The following OTUD7A variants were observed in gnomAD, a reference collection of about 807,000 sequenced individuals.
OTUD7A encodes OTU deubiquitinase 7A, also known as OTU domain-containing protein 7A.
OTUD7A carries 12 observed loss-of-function variants against 65.7 expected under a neutral mutation model. The ratio of observed to expected loss-of-function variants is 0.18; its 90% CI spans 0.12 to 0.30. OTUD7A has a LOEUF of 0.30. Ranked by LOEUF, OTUD7A falls within the 10% of genes least tolerant of loss-of-function variation. OTUD7A has a pLI of 1.00. For synonymous variants in OTUD7A, 641 were observed against 586.3 expected (o/e 1.09, Z -1.35); for missense variants, 1,148 against 1,304.8 (o/e 0.88, Z 1.85).
At chr15:31,564,022 G>C (rs1355505509) in intron 4 of OTUD7A, among the ~76,000 whole-genome samples, 2 of 152,050 alleles carry the variant, frequency 1.3e-5, no homozygotes, top group South Asian at 4.2e-4. Context: ...TAAAAAATGA[G>C]CCTAGTAAAT....
rs574785353 is a variant in OTUD7A, at chr15:31,612,562, A to C, written c.152-42365T>G. On this transcript the variant is annotated intron_variant, in intron 3 of 12. Transcript: ENST00000307050. ...CTTTTACAATAGCTGCAAAAAAATA[A>C]AATACCTAGGAATATACCTAACTGA... Among the ~76,000 whole-genome samples, 4 of 152,302 alleles carry C rather than the reference A, an allele frequency of 2.6e-5. No individual in the cohort carries two copies. In the South Asian group the frequency reaches 6.2e-4, roughly 24 times the overall value.
intron 10 of OTUD7A, among the ~76,000 whole-genome samples, chr15:31,499,709 C>T (rs954776235): frequency 6.6e-6 from 1 of 152,224 alleles, no homozygotes; most frequent in African/African-American, 2.4e-5. Context: ...GCAGCCTGGC[C>T]ACAGGATGGT....
At chr15:31,518,712 G>A (rs924677524) in intron 8 of OTUD7A, among the ~76,000 whole-genome samples, 3 of 152,228 alleles carry the variant, frequency 2.0e-5, no homozygotes, top group Non-Finnish European at 4.4e-5. Context: ...CTCATGGGCA[G>A]CATTTCTGAG....
intron 1 of OTUD7A, among the ~76,000 whole-genome samples, chr15:31,687,279 G>A (rs1367578570): frequency 3.9e-5 from 6 of 152,064 alleles, no homozygotes; most frequent in Admixed American, 3.9e-4. Flanking sequence ...GACAGTGTTC[G>A]CTGATGAATA....
At chr15:31,757,219 C>T (rs911230518) in intron 1 of OTUD7A, among the ~76,000 whole-genome samples, 1 of 152,078 alleles carries the variant, frequency 6.6e-6, no homozygotes, top group Non-Finnish European at 1.5e-5. Flanking sequence ...TAAGTTGGAG[C>T]CCAGACAGCC....
intron 1 of OTUD7A, among the ~76,000 whole-genome samples, chr15:31,716,598 T>C (rs1343615629): frequency 7.1e-6 from 1 of 139,984 alleles, no homozygotes; most frequent in African/African-American, 2.5e-5. Flanking sequence ...CATGTTCTGA[T>C]ACCTTTGTTA....
intron 10 of OTUD7A, among the ~76,000 whole-genome samples, chr15:31,497,295 G>T (rs1209722670): frequency 6.6e-6 from 1 of 151,784 alleles, no homozygotes; most frequent in Non-Finnish European, 1.5e-5. Context: ...TGTCATCCAG[G>T]TTGGAGTGCA....
At chr15:31,766,954 C>G (rs962324738) in intron 1 of OTUD7A, 30 of 1,611,404 alleles carry the variant, frequency 1.9e-5, no homozygotes, top group Middle Eastern at 1.6e-4. Flanking sequence ...GGATAGATCA[C>G]GCATACTACT....
chr15:31,796,165 GTATCTA>G (rs1201230960), intron 1 of OTUD7A, among the ~76,000 whole-genome samples: 3 of 147,888 alleles, frequency 2.0e-5, no homozygotes, highest in Non-Finnish European at 3.0e-5. Context: ...GTGTGTGTGT[GTATCTA>G]TGTATGTATC....
At chr15:31,869,600 G>C (rs1897971351) in intron 1 of OTUD7A, among the ~76,000 whole-genome samples, 1 of 152,118 alleles carries the variant, frequency 6.6e-6, no homozygotes, top group Non-Finnish European at 1.5e-5. Context: ...TTCCCTGATC[G>C]GGGTCTCACA....
At position 31,749,783 on chromosome 15, in the gene OTUD7A, G is replaced by A. The variant is rs1003104604; in HGVS notation, c.-99-92706C>T. Among the ~76,000 whole-genome samples, 9 of 151,850 alleles carry A rather than the reference G, an allele frequency of 5.9e-5. No individual in the cohort carries two copies. The East Asian group carries it at 7.7e-4, about 13-fold the overall frequency. On this transcript the variant is annotated intron_variant, in intron 1 of 12. Coordinates refer to ENST00000307050, the MANE Select transcript of OTUD7A (RefSeq NM_001382637.1). ...AAAGGAAGTCGAACTATCTCTCTTCGTGAATGACATAATTCCATACCTTGT... is the reference window on the plus strand; with the variant it reads ...AAAGGAAGTCGAACTATCTCTCTTCATGAATGACATAATTCCATACCTTGT...
chr15:31,867,464 C>G (rs1048909209), intron 1 of OTUD7A, among the ~76,000 whole-genome samples: 19 of 152,130 alleles, frequency 1.2e-4, no homozygotes, highest in Non-Finnish European at 1.3e-4. Context: ...ACAGGAATTA[C>G]TTCCTAAGTG....
rs1000525711 is a variant in OTUD7A at position 31,806,949 on chromosome 15, G to A, written c.-100+63558C>T. The stretch of plus-strand genomic sequence containing the variant: ...TCCCCATCCTAAGCCATCACCTGAC[G>A]TCCTGGGGATGTGTACTCATTCACT... On this transcript the variant is annotated intron_variant, in intron 1 of 12. Coordinates refer to ENST00000307050, the MANE Select transcript of OTUD7A (RefSeq NM_001382637.1). Among the ~76,000 whole-genome samples the A allele has an allele frequency of 4.6e-5, 7 of 152,150 alleles. No individual in the cohort carries two copies. The East Asian group carries it at 5.8e-4, about 13-fold the overall frequency.
intron 1 of OTUD7A, among the ~76,000 whole-genome samples, chr15:31,848,911 C>T (rs543519829): frequency 4.6e-5 from 7 of 152,290 alleles, no homozygotes; most frequent in Admixed American, 3.3e-4. Context: ...AAGCTATTTC[C>T]AACTTCAGAG....
intron 1 of OTUD7A, among the ~76,000 whole-genome samples, chr15:31,680,608 C>T (rs2141305258): frequency 6.6e-6 from 1 of 152,248 alleles, no homozygotes; most frequent in South Asian, 2.1e-4. Context: ...AGGAGCAGGA[C>T]ACTCATCTCT....
Position 31,476,149 on chromosome 15 carries a change from T to G in OTUD7A, c.*7145A>C, listed in dbSNP as rs1375989652. 2 of 152,234 alleles carry G rather than the reference T, an allele frequency of 1.3e-5. No homozygotes were observed. Among genetic ancestry groups the G allele is most frequent in the African/African-American group, 4.8e-5 (2 of 41,466 alleles). 9.4% of individuals were successfully genotyped at this position (152,234 alleles called of 1,614,324 possible). On this transcript the variant is annotated 3_prime_UTR_variant, in exon 13 of 13. Coordinates refer to ENST00000307050, the MANE Select transcript of OTUD7A (RefSeq NM_001382637.1). ...CCTTGCTCCTAACAGCGCCTTTACT[T>G]GTAGGACTAAGAGCCCAGCCTTTCC... is the stretch of plus-strand genomic sequence containing the variant.
Position 31,770,445 on chromosome 15 carries a change from A to G in OTUD7A, c.-100+100062T>C, listed in dbSNP as rs59381814. ...GGTAACAATACTCTTCCCACAAAGT[A>G]AAGTCCACCCTGAAATGGTGTCACT... On this transcript the variant is annotated intron_variant, in intron 1 of 12. Coordinates refer to ENST00000307050, the MANE Select transcript of OTUD7A (RefSeq NM_001382637.1). Among the ~76,000 whole-genome samples the G allele has an allele frequency of 6.4e-4, 97 of 152,340 alleles. 1 individual carries two copies. Among genetic ancestry groups the G allele is most frequent in the Middle Eastern group, 3.4e-3 (1 of 294 alleles).
chr15:31,596,140 C>A (rs1889897155), intron 3 of OTUD7A, among the ~76,000 whole-genome samples: 1 of 152,096 alleles, frequency 6.6e-6, no homozygotes, highest in African/African-American at 2.4e-5. Context: ...CAGTGTTTGG[C>A]TGAATGTCAG....
At chr15:31,607,757 G>A (rs1299930704) in intron 3 of OTUD7A, among the ~76,000 whole-genome samples, 1 of 152,144 alleles carries the variant, frequency 6.6e-6, no homozygotes, top group Non-Finnish European at 1.5e-5. Context: ...TGCTGTACAG[G>A]TTTGTAGCCT....
Sources: gnomAD v4.1 joint callset for allele counts (sites outside exome capture counted in the v4.1 genomes callset) on GRCh38, gnomAD v4.1.1 for gene constraint, MANE v1.5 for transcripts, NCBI Gene and HGNC (gene_info 2026-07-23, HGNC 2026-07-21) for gene names.